Variants in EYS observed in about 807,000 individuals in gnomAD.
EYS encodes the protein EGF-like photoreceptor maintenance factor, also known as protein eyes shut homolog.
Under a neutral mutation model 282.1 loss-of-function variants are expected in EYS, and 250 were observed. That is an observed-to-expected ratio of 0.89 (90% CI 0.80 to 0.98). EYS has a LOEUF of 0.98. EYS is among the 50% of genes least tolerant of loss of function. The pLI, the probability that EYS is intolerant of heterozygous loss-of-function variation, is 0.00. For missense variants in EYS, 4,016 were observed against 3,709.0 expected (o/e 1.08, Z -2.15); for synonymous variants, 1,355 against 1,282.9 (o/e 1.06, Z -1.20).
chr6:65,082,792 T>C (rs1774261843), intron 12 of EYS, among the ~76,000 whole-genome samples: 1 of 143,310 alleles, frequency 7.0e-6, no homozygotes, highest in Admixed American at 6.8e-5. Context: ...ATATCATAAT[T>C]TTAAAATATA....
chr6:64,699,592 C>T (rs1043752289), intron 22 of EYS, among the ~76,000 whole-genome samples: 1 of 151,944 alleles, frequency 6.6e-6, no homozygotes, highest in Non-Finnish European at 1.5e-5. Flanking sequence ...AATCAGAAAA[C>T]CTAAATAAAG....
intron 26 of EYS, among the ~76,000 whole-genome samples, chr6:64,552,662 C>A (rs1490100887): frequency 6.6e-6 from 1 of 152,082 alleles, no homozygotes; most frequent in East Asian, 1.9e-4. Flanking sequence ...CACCTGTAGT[C>A]CCAGGACTTT....
chr6:64,267,041 T>C (rs1767782883), intron 30 of EYS, among the ~76,000 whole-genome samples: 1 of 152,168 alleles, frequency 6.6e-6, no homozygotes, highest in Non-Finnish European at 1.5e-5. Flanking sequence ...ACTTTCAAAA[T>C]AATGATTTAG....
chr6:63,836,466 A>T (rs1184511731), intron 36 of EYS, among the ~76,000 whole-genome samples: 1 of 147,974 alleles, frequency 6.8e-6, no homozygotes, highest in African/African-American at 2.7e-5. Context: ...TGGAATTGTT[A>T]AAAAAAATTC....
At chr6:64,227,567 C>T (rs148360300) in intron 31 of EYS, among the ~76,000 whole-genome samples, 1 of 152,128 alleles carries the variant, frequency 6.6e-6, no homozygotes, top group African/African-American at 2.4e-5. Flanking sequence ...TTTAACAACT[C>T]AAGGCTTTAG....
chr6:64,218,263 T>A (rs1374234440), intron 31 of EYS, among the ~76,000 whole-genome samples: 1 of 152,186 alleles, frequency 6.6e-6, no homozygotes, highest in Non-Finnish European at 1.5e-5. Context: ...GACCTCCCTT[T>A]CTTGGAGGAT....
chr6:64,499,902 G>A (rs1285356138), intron 26 of EYS, among the ~76,000 whole-genome samples: 1 of 152,064 alleles, frequency 6.6e-6, no homozygotes, highest in Admixed American at 6.5e-5. Context: ...GAGGCCTTTG[G>A]AAAGTTATAA....
At chr6:63,956,958 T>A (rs1207656726) in intron 35 of EYS, among the ~76,000 whole-genome samples, 2 of 152,222 alleles carry the variant, frequency 1.3e-5, no homozygotes, top group Admixed American at 6.6e-5. Flanking sequence ...CCACTTTTAC[T>A]ATAGCTTCAT....
intron 26 of EYS, among the ~76,000 whole-genome samples, chr6:64,579,036 C>T (rs1303913264): frequency 6.6e-6 from 1 of 152,060 alleles, no homozygotes; most frequent in Non-Finnish European, 1.5e-5. Flanking sequence ...CATTAGTAAA[C>T]AGAATTTAAA....
At chr6:65,689,476 TA>T (rs1769159179) in intron 1 of EYS, among the ~76,000 whole-genome samples, 1 of 149,690 alleles carries the variant, frequency 6.7e-6, no homozygotes, top group African/African-American at 2.4e-5. Context: ...TATACGTATG[TA>T]ACTAACCTGC....
intron 1 of EYS, among the ~76,000 whole-genome samples, chr6:65,644,712 AT>A (rs1767393798): frequency 6.6e-6 from 1 of 152,210 alleles, no homozygotes; most frequent in Admixed American, 6.5e-5. Context: ...TTAACAGCAG[AT>A]TTCTCAGCAG....
At chr6:64,479,143 C>A (rs1056739474) in intron 26 of EYS, among the ~76,000 whole-genome samples, 1 of 151,808 alleles carries the variant, frequency 6.6e-6, no homozygotes, top group Non-Finnish European at 1.5e-5. Flanking sequence ...GTAAAAAGTG[C>A]TTTGAATTAA....
chr6:65,114,301 C>A (rs553441147), intron 12 of EYS, among the ~76,000 whole-genome samples: 1 of 149,682 alleles, frequency 6.7e-6, no homozygotes, highest in South Asian at 2.1e-4. Context: ...CTTTGCCTTA[C>A]ATTTTTATAG....
intron 36 of EYS, among the ~76,000 whole-genome samples, chr6:63,813,944 A>G (rs1231017349): frequency 5.9e-5 from 9 of 152,250 alleles, no homozygotes; most frequent in Non-Finnish European, 1.0e-4. Context: ...GCAGATGGAT[A>G]AATTTGCAAA....
At chr6:65,077,824 A>T (rs574641396) in intron 12 of EYS, among the ~76,000 whole-genome samples, 3 of 152,152 alleles carry the variant, frequency 2.0e-5, no homozygotes, top group Admixed American at 1.3e-4. Context: ...ATGTGTCAAC[A>T]TATATTTATA....
intron 8 of EYS, among the ~76,000 whole-genome samples, chr6:65,360,045 T>C (rs1764640050): frequency 6.6e-6 from 1 of 152,008 alleles, no homozygotes; most frequent in Non-Finnish European, 1.5e-5. Flanking sequence ...AAAAATATTT[T>C]CAATGGAAGT....
chr6:65,353,691 C>T (rs2150327423), intron 8 of EYS, 74 bp from the exon 9 acceptor site: 2 of 1,290,386 alleles, frequency 1.5e-6, no homozygotes, highest in Non-Finnish European at 2.2e-6. Context: ...ATAACATAAA[C>T]AGCTAATTTT....
At chr6:64,090,084 T>C (rs1772301550) in intron 31 of EYS, among the ~76,000 whole-genome samples, 4 of 152,068 alleles carry the variant, frequency 2.6e-5, no homozygotes, top group African/African-American at 9.7e-5. Flanking sequence ...AAAACATCGT[T>C]TAGCACACCA....
At chr6:64,530,611 C>G (rs368581335) in intron 26 of EYS, among the ~76,000 whole-genome samples, 2 of 151,930 alleles carry the variant, frequency 1.3e-5, no homozygotes, top group African/African-American at 4.8e-5. Context: ...TAAAAAGCAT[C>G]ACTTGATATA....
Sources: allele counts gnomAD v4.1 joint callset (sites outside exome capture counted in the v4.1 genomes callset), GRCh38; gene constraint gnomAD v4.1.1; transcripts MANE v1.5; gene names NCBI Gene and HGNC (gene_info 2026-07-23, HGNC 2026-07-21).